HDLBP: variants seen among roughly 807,000 people sequenced by gnomAD.
HDLBP encodes the protein high density lipoprotein binding protein.
Under a neutral mutation model 137.3 loss-of-function variants are expected in HDLBP, and 30 were observed. The ratio of observed to expected loss-of-function variants is 0.22; its 90% CI spans 0.16 to 0.30. The LOEUF (loss-of-function observed/expected upper bound fraction) is 0.30, where lower values mean the gene tolerates loss of function less well. Among genes scored for constraint, HDLBP ranks in the 10% least tolerant of loss-of-function variants. HDLBP has a pLI of 1.00. For missense variants in HDLBP, 1,119 were observed against 1,667.3 expected, an observed-to-expected ratio of 0.67 and a Z score of 5.73; for synonymous variants, 606 against 596.0, an observed-to-expected ratio of 1.02 and a Z score of -0.24.
intron 14 of HDLBP, 172 bp from the exon 15 acceptor site, chr2:241,247,314 C>G (rs2071758361): frequency 1.6e-6 from 1 of 609,690 alleles, no homozygotes; most frequent in African/African-American, 1.9e-5. Context: ...CAACAACTAA[C>G]TTACGTTGCA....
Position 241,238,874 on chromosome 2 carries a change from C to G in HDLBP, c.2611-87G>C. The G allele has an allele frequency of 9.1e-7, 1 of 1,093,136 alleles. No homozygotes were observed. The highest frequency in any genetic ancestry group is 2.1e-5 in the South Asian group (1 of 47,926). The allele number at this position is 1,093,136 out of a possible 1,614,324, so 67.7% of individuals were successfully genotyped here. On this transcript the variant is annotated intron_variant, in intron 19 of 27. Coordinates refer to ENST00000310931, the MANE Select transcript of HDLBP (RefSeq NM_005336.6). This position sits in a 1 kb window ranked among gnomAD's most constrained non-coding sequence, Gnocchi z 4.9. ...TTACAGCACTCTTCACACCACCTTC[C>G]TCCCTGTCCTCTACAGCCACTTGGC...
At chr2:241,303,330 A>G (rs1031350011) in intron 1 of HDLBP, among the ~76,000 whole-genome samples, 6 of 152,174 alleles carry the variant, frequency 3.9e-5, no homozygotes, top group African/African-American at 1.4e-4. Context: ...CAAGAACATC[A>G]CTGCTCCAAC....
intron 16 of HDLBP, among the ~76,000 whole-genome samples, chr2:241,246,205 G>A (rs1201890134): frequency 6.6e-6 from 1 of 151,620 alleles, no homozygotes; most frequent in Non-Finnish European, 1.5e-5. Flanking sequence ...ACACAAAAGC[G>A]TAGACAATCC....
intron 1 of HDLBP, among the ~76,000 whole-genome samples, chr2:241,299,505 CAAAAAAAAAAAAAA>C (rs11423330): frequency 6.0e-5 from 3 of 49,596 alleles, no homozygotes; most frequent in Admixed American, 2.8e-4. Context: ...GGCTCCGTCT[CAAAAAAAAAAAAAA>C]AAAAAAAAAA....
At chr2:241,234,082 T>A in intron 23 of HDLBP, 119 bp from the exon 24 acceptor site, 1 of 1,113,456 alleles carries the variant, frequency 9.0e-7, no homozygotes, top group Non-Finnish European at 1.3e-6. Flanking sequence ...TAACCCGTGG[T>A]CCGGAATGGT....
intron 1 of HDLBP, among the ~76,000 whole-genome samples, chr2:241,310,758 G>T (rs1014670757): frequency 1.3e-5 from 2 of 152,270 alleles, no homozygotes; most frequent in African/African-American, 4.8e-5. Context: ...CCAAAGAGTA[G>T]GCAAGACGAT....
At chr2:241,285,824 T>C (rs1047449678) in intron 1 of HDLBP, among the ~76,000 whole-genome samples, 4 of 152,030 alleles carry the variant, frequency 2.6e-5, no homozygotes, top group African/African-American at 9.7e-5. Context: ...AGGCCAAAAG[T>C]TTGAGACCAG....
rs1321773566 is a variant in HDLBP, at chr2:241,289,763, A to G, written c.-102-21222T>C. On this transcript the variant is annotated intron_variant, in intron 1 of 27. Coordinates refer to ENST00000310931, the MANE Select transcript of HDLBP (RefSeq NM_005336.6). ...AGTAATGAGGGGAAGTAGGATCAGAATAGCAGAATGGCTGGCACCAAAGGT... is the reference window on the plus strand; with the variant it reads ...AGTAATGAGGGGAAGTAGGATCAGAGTAGCAGAATGGCTGGCACCAAAGGT... 2.0e-5 allele frequency among the ~76,000 whole-genome samples: 3 copies of G among 152,194 alleles called. 1 individual carries two copies. Among genetic ancestry groups the G allele is most frequent in the Non-Finnish European group, 2.9e-5 (2 of 68,040 alleles).
chr2:241,254,937 A>C (rs2072492472), intron 9 of HDLBP, 114 bp downstream of exon 9: 1 of 807,820 alleles, frequency 1.2e-6, no homozygotes, highest in African/African-American at 1.7e-5. Flanking sequence ...AATTCAGAAA[A>C]ATACACCAGT....
At chr2:241,232,676 C>T (rs940113001) in intron 24 of HDLBP, among the ~76,000 whole-genome samples, 30 of 151,966 alleles carry the variant, frequency 2.0e-4, no homozygotes, top group African/African-American at 6.0e-4. Context: ...GGGCTGGGAG[C>T]GGTGGCTCAC....
intron 5 of HDLBP, 34 bp downstream of exon 5, chr2:241,262,677 G>T: frequency 6.6e-7 from 1 of 1,519,114 alleles, no homozygotes; most frequent in Non-Finnish European, 9.1e-7. Context: ...CGGGTACACA[G>T]TCACTGGGGA....
At position 241,255,084 on chromosome 2, in the gene HDLBP, C is replaced by A. The variant is rs780063807; in HGVS notation, c.1155G>T (p.Gln385His). Reference protein sequence around the residue: ...LHRFIIGKKGQNLAKITQQMP... With the variant: ...LHRFIIGKKGHNLAKITQQMP... ...TCTGCTGAGTGATTTTGGCCAGGTT[C>A]TGCCCTTTCTTGCCAATGATGAAAC... Residue 385 changes from glutamine to histidine, a missense_variant, in exon 9 of 28, where the codon CAG (glutamine) becomes CAT (histidine). Transcript: ENST00000310931. 10 of 1,614,136 alleles carry A rather than the reference C, an allele frequency of 6.2e-6. No homozygotes were observed. Among genetic ancestry groups the A allele is most frequent in the Non-Finnish European group, 7.6e-6 (9 of 1,179,974 alleles).
chr2:241,242,440 C>G lies in HDLBP; in HGVS notation c.2169+20G>C, dbSNP rs746691746. 1.2e-6 allele frequency: 2 copies of G among 1,603,802 alleles called. No individual in the cohort carries two copies. The highest frequency in any genetic ancestry group is 1.7e-6 in the Non-Finnish European group (2 of 1,171,706). On this transcript the variant is annotated intron_variant, in intron 17 of 27. Transcript: ENST00000310931. ...GGACCAGGCTTCCTGCCAAGAGTCA[C>G]GCTCCCTCCCCATGCTCACCTTCTC...
Position 241,227,682 on chromosome 2 carries a change from G to A in HDLBP, c.*1919C>T, listed in dbSNP as rs908217117. On this transcript the variant is annotated 3_prime_UTR_variant, in exon 28 of 28. Coordinates refer to ENST00000310931, the MANE Select transcript of HDLBP (RefSeq NM_005336.6). ...AGAATTAAAATTGACCTTTGGGAGA[G>A]GGTAGGGGCAGGATGTTTTATGACA... is the stretch of plus-strand genomic sequence containing the variant. 2 of 152,650 alleles carry A rather than the reference G, an allele frequency of 1.3e-5. No homozygotes were observed. The highest frequency in any genetic ancestry group is 2.9e-5 in the Non-Finnish European group (2 of 68,056). The allele number at this position is 152,650 out of a possible 1,614,324, so 9.5% of individuals were successfully genotyped here.
chr2:241,309,055 C>T (rs894796489), intron 1 of HDLBP, among the ~76,000 whole-genome samples: 4 of 152,198 alleles, frequency 2.6e-5, no homozygotes, highest in South Asian at 2.1e-4. Flanking sequence ...CCTCTTATAA[C>T]GCTCTTCCCC....
In HDLBP at chr2:241,233,698, G is replaced by C; in HGVS notation, c.3288+122C>G. On this transcript the variant is annotated intron_variant, in intron 24 of 27. Transcript: ENST00000310931. This position sits in a 1 kb window ranked among gnomAD's most constrained non-coding sequence, Gnocchi z 4.3. ...CTCAAGCCAGAATTAGGTCCTGAGA[G>C]ACTTGCCACTCTCAACTTGGCCCTC... The C allele has an allele frequency of 9.5e-7, 1 of 1,052,438 alleles. No individual in the cohort carries two copies. The highest frequency in any genetic ancestry group is 1.4e-6 in the Non-Finnish European group (1 of 709,160). 65.2% of individuals were successfully genotyped at this position (1,052,438 alleles called of 1,614,324 possible).
Position 241,249,885 on chromosome 2 carries a change from C to T in HDLBP, c.1468G>A (p.Val490Met), listed in dbSNP as rs760744082. 3.1e-6 allele frequency: 5 copies of T among 1,613,554 alleles called. No individual in the cohort carries two copies. The highest frequency in any genetic ancestry group is 1.1e-5 in the South Asian group (1 of 91,032). The part of the protein sequence containing the change: ...LIRIEGDPQG[V>M]QQAKRELLEL... ...AGCAGCTCTCGCTTGGCCTGCTGCA[C>T]GCCCTGTGGGTCCCCCTCGATGCGG... is the stretch of plus-strand genomic sequence containing the variant. The change falls in exon 12 of 28, where the codon GTG (valine) becomes ATG (methionine). Residue 490 changes from valine to methionine, a missense_variant. Physicochemically the swap from Val to Met is conservative, Grantham distance 21 (BLOSUM62 1). Around this residue, in one of 4 missense-constraint regions of HDLBP, gnomAD observed 425 missense variants for 693.9 expected, o/e 0.61. Coordinates refer to ENST00000310931, the MANE Select transcript of HDLBP (RefSeq NM_005336.6).
intron 1 of HDLBP, among the ~76,000 whole-genome samples, chr2:241,270,423 T>C (rs751974056): frequency 5.3e-5 from 8 of 152,238 alleles, no homozygotes; most frequent in Non-Finnish European, 1.2e-4. Flanking sequence ...TAGAGACACA[T>C]TTAACATCTA....
At chr2:241,314,874 G>A (rs561276819) in intron 1 of HDLBP, among the ~76,000 whole-genome samples, 2 of 152,324 alleles carry the variant, frequency 1.3e-5, no homozygotes, top group East Asian at 3.9e-4. Context: ...AACCTAGGAA[G>A]GCTTCCTGAA....
Sources: allele counts gnomAD v4.1 joint callset (sites outside exome capture counted in the v4.1 genomes callset), GRCh38; gene constraint gnomAD v4.1.1; regional missense constraint gnomAD v4.1.1; non-coding constraint Gnocchi (gnomAD v3.1); transcripts MANE v1.5; gene names NCBI Gene and HGNC (gene_info 2026-07-23, HGNC 2026-07-21).